NCK2: variants seen among roughly 807,000 people sequenced by gnomAD.
The protein encoded by NCK2 is cytoplasmic protein NCK2.
In NCK2, 16 loss-of-function variants were observed where a neutral mutation model predicts 33.9. That is an observed-to-expected ratio of 0.47 (90% confidence interval 0.32 to 0.72). NCK2 has a LOEUF of 0.72. Ranked by LOEUF, NCK2 falls within the 30% of genes least tolerant of loss-of-function variation. NCK2 has a pLI of 0.03. For synonymous variants in NCK2, 273 were observed against 239.9 expected (o/e 1.14, Z -1.27); for missense variants, 418 against 537.3 (o/e 0.78, Z 2.19).
intron 2 of NCK2, among the ~76,000 whole-genome samples, chr2:105,842,957 C>T (rs1229792202): frequency 1.3e-5 from 2 of 152,134 alleles, no homozygotes; most frequent in Non-Finnish European, 2.9e-5. Flanking sequence ...AGATAAAATA[C>T]CATCAGGCTT....
At chr2:105,866,751 T>C (rs562202794) in intron 3 of NCK2, among the ~76,000 whole-genome samples, 9 of 152,034 alleles carry the variant, frequency 5.9e-5, no homozygotes, top group Non-Finnish European at 1.2e-4. Context: ...CCCCGGGGGG[T>C]TGGGGACCCC....
chr2:105,787,253 G>A (rs115870039), intron 1 of NCK2, among the ~76,000 whole-genome samples: 2,859 of 152,332 alleles, frequency 0.019, 52 homozygotes, highest in Non-Finnish European at 0.022. Context: ...GCTCTGACAT[G>A]GTCATATCTG....
intron 2 of NCK2, chr2:105,846,416 T>C (rs1676855733): frequency 6.6e-6 from 1 of 152,080 alleles, no homozygotes; most frequent in Admixed American, 6.6e-5. Context: ...ATTTTTCTTC[T>C]ATAATTTTGA....
intron 1 of NCK2, among the ~76,000 whole-genome samples, chr2:105,780,225 A>G (rs1690443674): frequency 6.6e-6 from 1 of 152,148 alleles, no homozygotes; most frequent in Admixed American, 6.6e-5. Flanking sequence ...TCTATTAATA[A>G]AACCATTGCT....
intron 2 of NCK2, among the ~76,000 whole-genome samples, chr2:105,836,093 CT>C (rs1262205095): frequency 1.1e-5 from 1 of 92,192 alleles, no homozygotes; most frequent in Non-Finnish European, 2.0e-5. Context: ...ATTTTAGATT[CT>C]TTTTTAGGCA....
chr2:105,800,801 TGTC>T (rs957243176), intron 1 of NCK2, among the ~76,000 whole-genome samples: 9 of 152,146 alleles, frequency 5.9e-5, no homozygotes, highest in African/African-American at 2.2e-4. Context: ...TCAGAACAAA[TGTC>T]GTGAAGAAGG....
At chr2:105,861,447 G>A (rs1342657807) in intron 3 of NCK2, among the ~76,000 whole-genome samples, 4 of 152,080 alleles carry the variant, frequency 2.6e-5, no homozygotes, top group East Asian at 1.9e-4. Flanking sequence ...GAGCCAAGTC[G>A]CTTTCCTTCT....
At chr2:105,813,563 C>G (rs544087162) in intron 1 of NCK2, among the ~76,000 whole-genome samples, 4 of 152,334 alleles carry the variant, frequency 2.6e-5, no homozygotes, top group African/African-American at 9.6e-5. Context: ...CAGCAGAAGA[C>G]ACTGCGCCAG....
chr2:105,870,708 G>A (rs941289517), intron 3 of NCK2, among the ~76,000 whole-genome samples: 1 of 152,014 alleles, frequency 6.6e-6, no homozygotes, highest in Non-Finnish European at 1.5e-5. Context: ...CCAAGATCGC[G>A]CCACCTCACT....
intron 1 of NCK2, among the ~76,000 whole-genome samples, chr2:105,770,945 C>T (rs922437987): frequency 1.2e-4 from 18 of 152,088 alleles, no homozygotes; most frequent in African/African-American, 4.3e-4. Context: ...TGTTTTGAGA[C>T]GGAGTCTCGC....
Position 105,882,055 on chromosome 2 carries a change from T to C in NCK2, c.948+6T>C. 1.3e-6 allele frequency: 2 copies of C among 1,492,668 alleles called. No homozygotes were observed. The highest frequency in any genetic ancestry group is 1.8e-6 in the Non-Finnish European group (2 of 1,121,098). 92.5% of individuals were successfully genotyped at this position (1,492,668 alleles called of 1,614,324 possible). On this transcript the variant is annotated splice_donor_region_variant and intron_variant, in intron 4 of 4. Transcript: ENST00000233154. ...TTAGGGACAGCGAGTCCTCGGTAAG[T>C]GCGCTGCGCCCACAGCTCCGGCTGC...
chr2:105,744,545 C>A (rs185868735), upstream of NCK2, among the ~76,000 whole-genome samples: 156 of 152,256 alleles, frequency 1.0e-3, 1 homozygote, highest in South Asian at 0.022. Flanking sequence ...TGTTTTCACT[C>A]TCCTCCCCAC....
intron 2 of NCK2, among the ~76,000 whole-genome samples, chr2:105,823,183 G>A (rs1248739441): frequency 1.3e-5 from 2 of 148,756 alleles, no homozygotes; most frequent in African/African-American, 5.0e-5. Flanking sequence ...TCACAATGGA[G>A]GGGGTGTTGT....
chr2:105,781,042 G>A (rs1690479471), intron 1 of NCK2, among the ~76,000 whole-genome samples: 1 of 152,128 alleles, frequency 6.6e-6, no homozygotes, highest in South Asian at 2.1e-4. Flanking sequence ...CCTGGTCGTG[G>A]TCTTCCTGTC....
At chr2:105,806,533 C>G (rs571124336) in intron 1 of NCK2, among the ~76,000 whole-genome samples, 10 of 152,210 alleles carry the variant, frequency 6.6e-5, no homozygotes, top group Non-Finnish European at 1.5e-4. Flanking sequence ...CCACCACTCC[C>G]GGCCACATAT....
chr2:105,766,384 C>T lies in NCK2; in HGVS notation c.-201+21246C>T, dbSNP rs183985861. Among the ~76,000 whole-genome samples, 19 of 152,254 alleles carry T rather than the reference C, an allele frequency of 1.2e-4. No individual in the cohort carries two copies. In the East Asian group the frequency reaches 3.3e-3, roughly 26 times the overall value. ...TGTTGCCCAGGCTGGAGTGCAGTGC[C>T]GCCATCATGGCTCACTGTGGCCTCG... is the stretch of plus-strand genomic sequence containing the variant. On this transcript the variant is annotated intron_variant, in intron 1 of 4. Transcript: ENST00000233154.
At chr2:105,776,955 G>A (rs1224090009) in intron 1 of NCK2, among the ~76,000 whole-genome samples, 1 of 151,278 alleles carries the variant, frequency 6.6e-6, no homozygotes, top group Non-Finnish European at 1.5e-5. Flanking sequence ...AATCTAGTAT[G>A]GGGAGTGGCT....
chr2:105,754,214 A>G (rs1403365521), intron 1 of NCK2, among the ~76,000 whole-genome samples: 1 of 152,230 alleles, frequency 6.6e-6, no homozygotes, highest in East Asian at 1.9e-4. Flanking sequence ...CCACTTCTAC[A>G]CGTAGCAGGT....
chr2:105,869,020 T>G (rs923070338), intron 3 of NCK2, among the ~76,000 whole-genome samples: 5 of 152,068 alleles, frequency 3.3e-5, no homozygotes, highest in Admixed American at 1.3e-4. Flanking sequence ...CACTTATGTC[T>G]CAGTAACGTT....
Sources: allele counts gnomAD v4.1 joint callset (sites outside exome capture counted in the v4.1 genomes callset), GRCh38; gene constraint gnomAD v4.1.1; transcripts MANE v1.5; gene names NCBI Gene and HGNC (gene_info 2026-07-23, HGNC 2026-07-21).